The following LIMS1 variants were observed in gnomAD, a reference collection of about 807,000 sequenced individuals.
LIMS1 encodes the protein LIM zinc finger domain containing 1, also known as LIM and senescent cell antigen-like-containing domain protein 1.
In LIMS1, 18 loss-of-function variants were observed where a neutral mutation model predicts 44.1. The observed-to-expected ratio is 0.41, with a 90% confidence interval of 0.28 to 0.61. The LOEUF (loss-of-function observed/expected upper bound fraction) is 0.61, where lower values mean the gene tolerates loss of function less well. LIMS1 is among the 20% of genes least tolerant of loss of function. LIMS1 has a pLI of 0.32. For missense variants in LIMS1, 201 were observed against 422.0 expected (o/e 0.48, Z 4.59); for synonymous variants, 93 against 149.1 (o/e 0.62, Z 2.74).
intron 9 of LIMS1, 141 bp downstream of exon 9, chr2:108,680,911 G>A (rs1692949429): frequency 4.6e-6 from 6 of 1,292,576 alleles, no homozygotes; most frequent in Non-Finnish European, 5.2e-6. Flanking sequence ...GAAAGTAAAG[G>A]TTCTTCCTTT....
intron 1 of LIMS1, among the ~76,000 whole-genome samples, chr2:108,549,019 T>C (rs887920285): frequency 6.6e-6 from 1 of 152,202 alleles, no homozygotes; most frequent in African/African-American, 2.4e-5. Context: ...AGCACTTTTC[T>C]ACAAAAAGCT....
chr2:108,543,632 A>G (rs1177867100), intron 1 of LIMS1, among the ~76,000 whole-genome samples: 1 of 152,164 alleles, frequency 6.6e-6, no homozygotes, highest in Non-Finnish European at 1.5e-5. Context: ...AGATGAAGTA[A>G]ATCTACTGAG....
chr2:108,582,108 T>C (rs1484614994), intron 1 of LIMS1, among the ~76,000 whole-genome samples: 1 of 152,256 alleles, frequency 6.6e-6, no homozygotes, highest in East Asian at 1.9e-4. Context: ...TGTTGTGTGA[T>C]ATTGATGAGT....
At chr2:108,614,696 G>A (rs146190591) in intron 1 of LIMS1, among the ~76,000 whole-genome samples, 40 of 152,312 alleles carry the variant, frequency 2.6e-4, no homozygotes, top group African/African-American at 8.7e-4. Context: ...ACAGATATCA[G>A]AAACGTGGCC....
chr2:108,584,756 C>A (rs141540538), intron 1 of LIMS1, among the ~76,000 whole-genome samples: 1 of 152,036 alleles, frequency 6.6e-6, no homozygotes, highest in Non-Finnish European at 1.5e-5. Context: ...GCGTGAGCAG[C>A]AGCATGGAGA....
chr2:108,543,035 C>T (rs1262240968), intron 1 of LIMS1, among the ~76,000 whole-genome samples: 1 of 152,204 alleles, frequency 6.6e-6, no homozygotes, highest in Non-Finnish European at 1.5e-5. Context: ...CTGTACTATG[C>T]TATAGGGCAT....
At chr2:108,637,175 A>G (rs1227923784) in intron 1 of LIMS1, among the ~76,000 whole-genome samples, 2 of 142,284 alleles carry the variant, frequency 1.4e-5, no homozygotes, top group African/African-American at 2.7e-5. Context: ...CATCCTGGTC[A>G]GTATTTTCAA....
At chr2:108,538,658 C>T (rs1306493195) in intron 1 of LIMS1, among the ~76,000 whole-genome samples, 1 of 152,168 alleles carries the variant, frequency 6.6e-6, no homozygotes, top group Non-Finnish European at 1.5e-5. Context: ...AAAATGGAAT[C>T]ATAGTCATAC....
intron 1 of LIMS1, among the ~76,000 whole-genome samples, chr2:108,649,535 C>T (rs1411075132): frequency 6.6e-6 from 1 of 152,176 alleles, no homozygotes. Flanking sequence ...ATGTTTGTTG[C>T]AACACTGTTC....
chr2:108,623,218 A>T (rs826687), intron 1 of LIMS1, among the ~76,000 whole-genome samples: 1 of 59,644 alleles, frequency 1.7e-5, no homozygotes, highest in Non-Finnish European at 4.1e-5. Context: ...TTATGCCTGG[A>T]TTTTTTTTTT....
At chr2:108,596,824 AAAAAAT>A (rs950696233) in intron 1 of LIMS1, among the ~76,000 whole-genome samples, 5 of 152,232 alleles carry the variant, frequency 3.3e-5, no homozygotes, top group Non-Finnish European at 5.9e-5. Flanking sequence ...CCGTCTCAAA[AAAAAAT>A]AAAAATAAAA....
At chr2:108,631,010 G>A (rs957337304) in intron 1 of LIMS1, among the ~76,000 whole-genome samples, 5 of 152,178 alleles carry the variant, frequency 3.3e-5, no homozygotes, top group African/African-American at 4.8e-5. Context: ...GAGCAGGGAT[G>A]GAATTGTTTG....
At chr2:108,648,042 A>T (rs992350161) in intron 1 of LIMS1, among the ~76,000 whole-genome samples, 12 of 152,256 alleles carry the variant, frequency 7.9e-5, no homozygotes, top group African/African-American at 2.9e-4. Context: ...TTTGCAGATG[A>T]CATGATTGTA....
chr2:108,539,868 C>T (rs1027126586), intron 1 of LIMS1, among the ~76,000 whole-genome samples: 2 of 152,126 alleles, frequency 1.3e-5, no homozygotes, highest in African/African-American at 2.4e-5. Context: ...TTTGTTTCTT[C>T]CTGTCCTTCC....
intron 1 of LIMS1, among the ~76,000 whole-genome samples, chr2:108,593,406 T>C (rs1686507050): frequency 1.3e-5 from 2 of 152,194 alleles, no homozygotes; most frequent in Admixed American, 1.3e-4. Flanking sequence ...GCCTGCCTTC[T>C]ATAAAGGAAT....
chr2:108,536,146 A>G (rs13405983), intron 1 of LIMS1, among the ~76,000 whole-genome samples: 5,076 of 152,328 alleles, frequency 0.033, 177 homozygotes, highest in South Asian at 0.14. Context: ...TCTCTGGTCC[A>G]GTGTCTCTCC....
intron 1 of LIMS1, among the ~76,000 whole-genome samples, chr2:108,561,664 C>T (rs1339065458): frequency 1.3e-5 from 2 of 151,628 alleles, no homozygotes; most frequent in Non-Finnish European, 2.9e-5. Flanking sequence ...GTGTGTCACA[C>T]TTTGGTAATT....
At chr2:108,629,523 G>C (rs1406493925) in intron 1 of LIMS1, among the ~76,000 whole-genome samples, 1 of 152,228 alleles carries the variant, frequency 6.6e-6, no homozygotes, top group Non-Finnish European at 1.5e-5. Context: ...GCAAGTATCA[G>C]TTATAGAGAA....
intron 1 of LIMS1, among the ~76,000 whole-genome samples, chr2:108,618,851 G>A (rs984714324): frequency 1.3e-4 from 19 of 151,296 alleles, no homozygotes; most frequent in Non-Finnish European, 2.2e-4. Flanking sequence ...AAAAGATCCT[G>A]GTTAAAAAGG....
Sources: gnomAD v4.1 joint callset for allele counts (sites outside exome capture counted in the v4.1 genomes callset) on GRCh38, gnomAD v4.1.1 for gene constraint, MANE v1.5 for transcripts, NCBI Gene and HGNC (gene_info 2026-07-23, HGNC 2026-07-21) for gene names.